The following PRKCE variants were observed in gnomAD, a reference collection of about 807,000 sequenced individuals.
PRKCE encodes the protein protein kinase C epsilon type.
In PRKCE, 16 loss-of-function variants were observed where a neutral mutation model predicts 85.4. That is an observed-to-expected ratio of 0.19 (90% CI 0.13 to 0.28). The LOEUF is 0.28. Ranked by LOEUF, PRKCE falls within the 10% of genes least tolerant of loss-of-function variation. The pLI is 1.00. For missense variants in PRKCE, 573 were observed against 975.2 expected, an observed-to-expected ratio of 0.59 and a Z score of 5.49; for synonymous variants, 388 against 371.5, an observed-to-expected ratio of 1.04 and a Z score of -0.51.
At chr2:45,768,448 AT>A (rs1309732457) in intron 1 of PRKCE, among the ~76,000 whole-genome samples, 2 of 152,064 alleles carry the variant, frequency 1.3e-5, no homozygotes, top group Non-Finnish European at 2.9e-5. Flanking sequence ...ATGATTTCTC[AT>A]TTTGGTTGAG....
intron 2 of PRKCE, among the ~76,000 whole-genome samples, chr2:45,896,046 T>C (rs892844072): frequency 6.6e-6 from 1 of 152,198 alleles, no homozygotes; most frequent in South Asian, 2.1e-4. Context: ...AAATGAGTGT[T>C]GCTAACCTAG....
chr2:45,661,954 C>G (rs2103756492), intron 1 of PRKCE, among the ~76,000 whole-genome samples: 1 of 152,280 alleles, frequency 6.6e-6, no homozygotes, highest in Non-Finnish European at 1.5e-5. Context: ...CAGACTATGG[C>G]ATCTTTTGTT....
Position 45,784,861 on chromosome 2 carries a change from A to G in PRKCE, c.349-58139A>G, listed in dbSNP as rs540536682. On this transcript the variant is annotated intron_variant, in intron 1 of 14. Transcript: ENST00000306156. ...AAGGGGAGAACTTTCTGGAATAATG[A>G]TAATGTTTTTTGTCTTTATTGGAGT... Among the ~76,000 whole-genome samples, 3 of 152,278 alleles carry G rather than the reference A, an allele frequency of 2.0e-5. No individual in the cohort carries two copies. In the South Asian group the frequency reaches 6.2e-4, roughly 32 times the overall value.
At chr2:46,162,645 TGAC>T (rs1558518030) in intron 14 of PRKCE, among the ~76,000 whole-genome samples, 1 of 152,198 alleles carries the variant, frequency 6.6e-6, no homozygotes, top group East Asian at 1.9e-4. Context: ...AACGGAAAGC[TGAC>T]GTTGTGTAAG....
chr2:45,667,029 G>T (rs1675944410), intron 1 of PRKCE, among the ~76,000 whole-genome samples: 1 of 152,070 alleles, frequency 6.6e-6, no homozygotes, highest in Admixed American at 6.5e-5. Flanking sequence ...TTTTTGTAGA[G>T]GCTGGGTACA....
chr2:45,779,018 T>G (rs1685974350), intron 1 of PRKCE, among the ~76,000 whole-genome samples: 6 of 152,234 alleles, frequency 3.9e-5, no homozygotes. Flanking sequence ...GCAGGGAGTT[T>G]TACCTACTTT....
intron 1 of PRKCE, among the ~76,000 whole-genome samples, chr2:45,672,285 C>T (rs999195604): frequency 2.7e-5 from 4 of 150,714 alleles, no homozygotes; most frequent in African/African-American, 9.8e-5. Context: ...CATCCACCCA[C>T]CCATCCATTC....
chr2:45,862,470 A>C (rs1475235080), intron 2 of PRKCE, among the ~76,000 whole-genome samples: 1 of 152,174 alleles, frequency 6.6e-6, no homozygotes, highest in African/African-American at 2.4e-5. Flanking sequence ...TCTTGGTGTC[A>C]GCTCCTCTAA....
intron 1 of PRKCE, among the ~76,000 whole-genome samples, chr2:45,773,447 T>C (rs564932523): frequency 6.6e-6 from 1 of 152,314 alleles, no homozygotes; most frequent in South Asian, 2.1e-4. Context: ...GGAGGTGCTG[T>C]CATCCTCCTT....
intron 2 of PRKCE, among the ~76,000 whole-genome samples, chr2:45,917,501 C>T (rs1697890734): frequency 6.6e-6 from 1 of 152,224 alleles, no homozygotes; most frequent in African/African-American, 2.4e-5. Context: ...GGTGTGTTTA[C>T]AAACCTTGAG....
At chr2:46,056,609 A>G (rs903859813) in intron 10 of PRKCE, among the ~76,000 whole-genome samples, 3 of 152,132 alleles carry the variant, frequency 2.0e-5, no homozygotes, top group African/African-American at 7.2e-5. Context: ...TTTCCTCTTG[A>G]ATGTCTTTTC....
chr2:45,966,663 C>T lies in PRKCE; in HGVS notation c.413-9766C>T, dbSNP rs1701751289. Among the ~76,000 whole-genome samples the T allele has an allele frequency of 2.6e-5, 4 of 152,190 alleles. No homozygotes were observed. The South Asian group carries it at 8.3e-4, about 32-fold the overall frequency. On this transcript the variant is annotated intron_variant, in intron 2 of 14. Transcript: ENST00000306156. ...GGTTTTCCTCAATCTAGTCCCATTTCTGCTTTTTTCTAGAGTTAAGTCAGT... is the reference window on the plus strand; with the variant it reads ...GGTTTTCCTCAATCTAGTCCCATTTTTGCTTTTTTCTAGAGTTAAGTCAGT...
intron 2 of PRKCE, among the ~76,000 whole-genome samples, chr2:45,866,589 G>A (rs1693634623): frequency 1.3e-5 from 2 of 152,254 alleles, no homozygotes; most frequent in East Asian, 1.9e-4. Flanking sequence ...TTACAGGCAT[G>A]AGCCACCACG....
chr2:46,026,076 T>C (rs1707088000), intron 10 of PRKCE, among the ~76,000 whole-genome samples: 2 of 152,228 alleles, frequency 1.3e-5, no homozygotes, highest in South Asian at 2.1e-4. Context: ...TCTGTTTAGC[T>C]CTTTGAGCTA....
chr2:46,137,813 A>C (rs1010836669), intron 11 of PRKCE, among the ~76,000 whole-genome samples: 2 of 151,590 alleles, frequency 1.3e-5, no homozygotes, highest in Non-Finnish European at 2.9e-5. Context: ...TTGACCTACC[A>C]CTGGTCTCAT....
intron 14 of PRKCE, among the ~76,000 whole-genome samples, chr2:46,168,186 C>G (rs1347736808): frequency 6.6e-6 from 1 of 152,156 alleles, no homozygotes; most frequent in African/African-American, 2.4e-5. Flanking sequence ...TGGGCACTTT[C>G]ATAAGCTCCT....
At position 45,886,952 on chromosome 2, in the gene PRKCE, G is replaced by A. The variant is rs571576963; in HGVS notation, c.412+43889G>A. Among the ~76,000 whole-genome samples the A allele has an allele frequency of 9.2e-5, 14 of 152,294 alleles. No individual in the cohort carries two copies. The South Asian group carries it at 2.3e-3, about 25-fold the overall frequency. On this transcript the variant is annotated intron_variant, in intron 2 of 14. Coordinates refer to ENST00000306156, the MANE Select transcript of PRKCE (RefSeq NM_005400.3). ...CTCTCAAGTTCTTTCCTATCTTTGT[G>A]TGAGGTGGACGATGTCACTAGCCTC...
intron 11 of PRKCE, among the ~76,000 whole-genome samples, chr2:46,087,161 T>C (rs35913318): frequency 0.031 from 1,023 of 32,722 alleles, 13 homozygotes; most frequent in African/African-American, 0.059. Context: ...TTCTATTCTT[T>C]TTTTTTTTTT....
At chr2:45,726,481 A>C (rs1681081959) in intron 1 of PRKCE, among the ~76,000 whole-genome samples, 1 of 152,226 alleles carries the variant, frequency 6.6e-6, no homozygotes, top group East Asian at 1.9e-4. Context: ...CGTGTGCTAA[A>C]GGCTCAGATG....
Sources: gnomAD v4.1 joint callset for allele counts (sites outside exome capture counted in the v4.1 genomes callset) on GRCh38, gnomAD v4.1.1 for gene constraint, MANE v1.5 for transcripts, NCBI Gene and HGNC (gene_info 2026-07-23, HGNC 2026-07-21) for gene names.